The following TMEM238L variants were observed in gnomAD, a reference collection of about 807,000 sequenced individuals.
The protein encoded by TMEM238L is transmembrane protein 238-like.
At chr17:10,797,202 T>A (rs1034530214) in intron 1 of TMEM238L, among the ~76,000 whole-genome samples, 6 of 148,848 alleles carry the variant, frequency 4.0e-5, no homozygotes, top group Non-Finnish European at 5.9e-5. Context: ...ATACACCTTA[T>A]TATCGTTATC....
At chr17:10,802,759 C>T (rs984907790) in intron 1 of TMEM238L, among the ~76,000 whole-genome samples, 1 of 152,238 alleles carries the variant, frequency 6.6e-6, no homozygotes, top group Admixed American at 6.5e-5. Flanking sequence ...GACTTCAGTC[C>T]CCTGGAGACA....
intron 1 of TMEM238L, among the ~76,000 whole-genome samples, chr17:10,798,926 A>C (rs1226350183): frequency 6.6e-6 from 1 of 152,162 alleles, no homozygotes; most frequent in East Asian, 1.9e-4. Context: ...AGCAAAAAAA[A>C]AAATCTGAAA....
chr17:10,800,518 G>A (rs1309833747), intron 1 of TMEM238L, among the ~76,000 whole-genome samples: 1 of 152,190 alleles, frequency 6.6e-6, no homozygotes, highest in Non-Finnish European at 1.5e-5. Context: ...TCCTAATGTT[G>A]TACATTGCCA....
intron 1 of TMEM238L, among the ~76,000 whole-genome samples, chr17:10,798,365 G>A (rs1363334739): frequency 6.6e-6 from 1 of 152,150 alleles, no homozygotes; most frequent in Non-Finnish European, 1.5e-5. Context: ...TTAGAGAAAT[G>A]TTTGCTCCTC....
chr17:10,798,054 G>A (rs1180448771), intron 1 of TMEM238L: 1 of 152,086 alleles, frequency 6.6e-6, no homozygotes, highest in Non-Finnish European at 1.5e-5. Flanking sequence ...GCTTTTCCTA[G>A]ACACCCTAAT....
At chr17:10,796,837 G>C (rs1904563428) in intron 1 of TMEM238L, among the ~76,000 whole-genome samples, 1 of 152,104 alleles carries the variant, frequency 6.6e-6, no homozygotes, top group South Asian at 2.1e-4. Flanking sequence ...TTCTGACTTG[G>C]CTCCTATAGG....
chr17:10,797,696 T>C (rs888529819), intron 1 of TMEM238L: 1 of 152,064 alleles, frequency 6.6e-6, no homozygotes, highest in African/African-American at 2.4e-5. Context: ...GCTTTGACAA[T>C]GCCACCCCCG....
exon 2 of TMEM238L, chr17:10,794,976 T>C (rs1003606572): frequency 1.3e-5 from 2 of 152,194 alleles, no homozygotes; most frequent in Admixed American, 1.3e-4. Context: ...CCATGAAAGA[T>C]CGGAGGCAGC....
intron 1 of TMEM238L, among the ~76,000 whole-genome samples, chr17:10,799,413 GT>G (rs1294133351): frequency 6.6e-6 from 1 of 152,156 alleles, no homozygotes; most frequent in East Asian, 1.9e-4. Context: ...GGCCAGGCTG[GT>G]CTCCAACTTC....
At chr17:10,803,692 C>A (rs948116162) in exon 1 of TMEM238L, 1 of 398,830 alleles carries the variant, frequency 2.5e-6, no homozygotes, top group Non-Finnish European at 4.4e-6. Context: ...GCATACAGCA[C>A]CTGCGTCTCT....
intron 1 of TMEM238L, among the ~76,000 whole-genome samples, chr17:10,800,237 CCA>C (rs35858753): frequency 0.072 from 11,018 of 152,002 alleles, 526 homozygotes; most frequent in Middle Eastern, 0.16. Context: ...TGGCCGGAAA[CCA>C]CATCTTTAAC....
chr17:10,797,950 C>T (rs1284685505), intron 1 of TMEM238L: 2 of 152,186 alleles, frequency 1.3e-5, no homozygotes. Flanking sequence ...AAGACTCCTC[C>T]CTCCTCTCCT....
intron 1 of TMEM238L, among the ~76,000 whole-genome samples, chr17:10,801,439 C>G (rs906212653): frequency 1.3e-5 from 2 of 152,314 alleles, no homozygotes; most frequent in African/African-American, 4.8e-5. Flanking sequence ...AGCCCTAACC[C>G]TCACCGACAT....
At chr17:10,795,045 C>G (rs1473840807) in exon 2 of TMEM238L, 1 of 152,082 alleles carries the variant, frequency 6.6e-6, no homozygotes, top group Non-Finnish European at 1.5e-5. Flanking sequence ...AAAATGAGAC[C>G]AGGGGAAATA....
At chr17:10,803,882 C>T in exon 1 of TMEM238L, 1 of 399,698 alleles carries the variant, frequency 2.5e-6, no homozygotes, top group Non-Finnish European at 4.4e-6. Flanking sequence ...ACCAGGCCGA[C>T]CGCGTCCAGC....
At chr17:10,797,635 A>C (rs531580880) in intron 1 of TMEM238L, among the ~76,000 whole-genome samples, 1 of 152,236 alleles carries the variant, frequency 6.6e-6, no homozygotes, top group African/African-American at 2.4e-5. Flanking sequence ...AAACAAACTC[A>C]TGCCTTTTTC....
intron 1 of TMEM238L, among the ~76,000 whole-genome samples, chr17:10,798,256 A>G (rs1904622155): frequency 6.6e-6 from 1 of 152,026 alleles, no homozygotes; most frequent in African/African-American, 2.4e-5. Context: ...CCCTGGCAAG[A>G]CTGTGCTTAT....
At chr17:10,800,642 C>A (rs796503438) in intron 1 of TMEM238L, among the ~76,000 whole-genome samples, 1 of 152,194 alleles carries the variant, frequency 6.6e-6, no homozygotes, top group Non-Finnish European at 1.5e-5. Flanking sequence ...AAATATTAAT[C>A]CACCTAATCT....
chr17:10,804,034 C>T, exon 1 of TMEM238L: 5 of 402,584 alleles, frequency 1.2e-5, no homozygotes, highest in Non-Finnish European at 2.2e-5. Context: ...GGCGGTCCTG[C>T]CTGCTGCTGC....
Sources: allele counts gnomAD v4.1 joint callset (sites outside exome capture counted in the v4.1 genomes callset), GRCh38; gene constraint gnomAD v4.1.1; transcripts MANE v1.5; gene names NCBI Gene and HGNC (gene_info 2026-07-23, HGNC 2026-07-21).